FGF17: variants seen among roughly 807,000 people sequenced by gnomAD.
The protein encoded by FGF17 is fibroblast growth factor 17.
Under a neutral mutation model 23.5 loss-of-function variants are expected in FGF17, and 5 were observed. That is an observed-to-expected ratio of 0.21 (90% CI 0.11 to 0.45). The LOEUF (loss-of-function observed/expected upper bound fraction) is 0.45, where lower values mean the gene tolerates loss of function less well. Ranked by LOEUF, FGF17 falls within the 20% of genes least tolerant of loss-of-function variation. The probability of loss-of-function intolerance (pLI) is 0.99; values close to 1 mark genes in which losing one functional copy is unlikely to be tolerated. For synonymous variants in FGF17, 136 were observed against 123.0 expected (o/e 1.11, Z -0.70); for missense variants, 221 against 306.9 (o/e 0.72, Z 2.09).
rs368478275 is a variant in FGF17, at chr8:22,043,200, C to T, written c.72+19C>T. ...AACTCAGGTAGGCGGGCATTCCCACCGGCTTTCCCCCAATTTTTCCACCCT... is the reference window on the plus strand; with the variant it reads ...AACTCAGGTAGGCGGGCATTCCCACTGGCTTTCCCCCAATTTTTCCACCCT... On this transcript the variant is annotated intron_variant, in intron 2 of 4. Transcript: ENST00000359441. 1.4e-4 allele frequency: 223 copies of T among 1,612,306 alleles called. No homozygotes were observed. The highest frequency in any genetic ancestry group is 1.7e-4 in the Non-Finnish European group (198 of 1,179,772).
At position 22,044,724 on chromosome 8, in the gene FGF17, T is replaced by C. The variant is rs558570496; in HGVS notation, c.73-1390T>C. ...CAGAGGCTAGGCAGAGGCTGCTCTA[T>C]GGGGAGGTGCAATTGGAAATGAGCA... On this transcript the variant is annotated intron_variant, in intron 2 of 4. Transcript: ENST00000359441. The C allele has an allele frequency of 8.4e-5, 83 of 985,446 alleles. No individual in the cohort carries two copies. In the African/African-American group the frequency reaches 9.4e-4, roughly 11 times the overall value. The allele number at this position is 985,446 out of a possible 1,614,324, so 61.0% of individuals were successfully genotyped here.
intron 2 of FGF17, among the ~76,000 whole-genome samples, chr8:22,043,575 C>T (rs374628513): frequency 1.5e-4 from 23 of 152,248 alleles, no homozygotes; most frequent in Admixed American, 8.5e-4. Context: ...ATGTCCTTCT[C>T]GCCACCCCAC....
chr8:22,040,752 C>T (rs529671051), upstream of FGF17, among the ~76,000 whole-genome samples: 23 of 152,360 alleles, frequency 1.5e-4, no homozygotes, highest in Admixed American at 1.5e-3. Context: ...CCAGCTGACA[C>T]CTCCACCAAC....
intron 2 of FGF17, among the ~76,000 whole-genome samples, chr8:22,043,462 G>A (rs1045566086): frequency 2.9e-4 from 44 of 152,188 alleles, no homozygotes; most frequent in Non-Finnish European, 5.1e-4. Flanking sequence ...CAGACTTGAG[G>A]GATGGAGCCT....
Position 22,046,123 on chromosome 8 carries a change from C to T in FGF17, c.82C>T (p.His28Tyr). The change falls in exon 3 of 5, where the codon CAC becomes TAC. Residue 28 changes from histidine (H) to tyrosine (Y), a missense_variant. Coordinates refer to ENST00000359441, the MANE Select transcript of FGF17 (RefSeq NM_003867.4). Reference sequence around the variant, plus strand: ...CTTGGTAACCGCAAAGGGGGAGAATCACCCGTCTCCTAATTTTAACCAGTA... The same window carrying T: ...CTTGGTAACCGCAAAGGGGGAGAATTACCCGTCTCCTAATTTTAACCAGTA... ...ILCCQTQGEN[H>Y]PSPNFNQYVR... 1 of 1,614,174 alleles carries T rather than the reference C, an allele frequency of 6.2e-7. No homozygotes were observed. Among genetic ancestry groups the T allele is most frequent in the Non-Finnish European group, 8.5e-7 (1 of 1,180,038 alleles).
rs3038873 is a variant in FGF17 at position 22,046,950 on chromosome 8, A to ATT, written c.357+333_357+334dup. On this transcript the variant is annotated intron_variant, in intron 4 of 4. Coordinates refer to ENST00000359441, the MANE Select transcript of FGF17 (RefSeq NM_003867.4). ...AGGTGCATGCCACCATGCCCAGCTA[A>ATT]TTTTTTTTTTTTTTTTTGTAGAGAT... is the stretch of plus-strand genomic sequence containing the variant. Among the ~76,000 whole-genome samples, 432 of 120,554 alleles carry ATT rather than the reference A, an allele frequency of 3.6e-3. 8 individuals carry two copies. Among genetic ancestry groups the ATT allele is most frequent in the Middle Eastern group, 0.02 (4 of 196 alleles). The allele number at this position is 120,554 out of a possible 152,430, so 79.1% of individuals were successfully genotyped here.
At position 22,042,927 on chromosome 8, in the gene FGF17, C is replaced by T. The variant is rs375311317; in HGVS notation, c.-2C>T. ...GCAACCGCCTGAGGAACCTCTCCAG[C>T]GATGGGAGCCGCCCGCCTGCTGCCC... On this transcript the variant is annotated 5_prime_UTR_variant, in exon 1 of 5. Transcript: ENST00000359441. The T allele has an allele frequency of 4.8e-5, 78 of 1,613,248 alleles. No individual in the cohort carries two copies. The South Asian group carries it at 5.6e-4, about 12-fold the overall frequency.
At chr8:22,043,057 G>A (rs1800768207) in intron 1 of FGF17, 88 bp from the exon 2 acceptor site, 1 of 1,600,992 alleles carries the variant, frequency 6.2e-7, no homozygotes, top group Non-Finnish European at 8.5e-7. Context: ...TGCGTGCACG[G>A]GGCTGGCAGG....
At chr8:22,039,930 C>T (rs950112501), upstream of FGF17, among the ~76,000 whole-genome samples, 3 of 152,020 alleles carry the variant, frequency 2.0e-5, no homozygotes, top group African/African-American at 4.8e-5. Context: ...GAGAGGCAGG[C>T]GTGAGACGAC....
Position 22,046,191 on chromosome 8 carries a change from G to A in FGF17, c.150G>A (p.Arg50=). ...QGAMTDQLSR[R]QIREYQLYSR... Reference sequence around the variant, plus strand: ...CCATGACCGACCAGCTGAGCAGGCGGCAGATCCGCGAGTACCAACTCTACA... The same window carrying A: ...CCATGACCGACCAGCTGAGCAGGCGACAGATCCGCGAGTACCAACTCTACA... The change falls in exon 3 of 5, where the codon CGG becomes CGA. Residue 50 remains arginine, a synonymous_variant. Transcript: ENST00000359441. The A allele has an allele frequency of 1.9e-6, 3 of 1,614,110 alleles. No homozygotes were observed. The highest frequency in any genetic ancestry group is 2.5e-6 in the Non-Finnish European group (3 of 1,180,052).
chr8:22,046,812 G>A (rs535073479), intron 4 of FGF17, among the ~76,000 whole-genome samples, 179 bp downstream of exon 4: 1 of 152,280 alleles, frequency 6.6e-6, no homozygotes, highest in South Asian at 2.1e-4. Context: ...TCCGGGTCTT[G>A]CTCTGCTACC....
At chr8:22,046,016 C>T (rs769413471) in intron 2 of FGF17, 98 bp from the exon 3 acceptor site, 6 of 1,605,370 alleles carry the variant, frequency 3.7e-6, no homozygotes, top group Admixed American at 1.7e-5. Context: ...GTGGCCTGTC[C>T]CCACTATATT....
In FGF17 at chr8:22,048,212, G is replaced by C; in HGVS notation, c.614G>C (p.Arg205Pro). The C allele has an allele frequency of 6.2e-7, 1 of 1,611,064 alleles. No individual in the cohort carries two copies. The highest frequency in any genetic ancestry group is 8.5e-7 in the Non-Finnish European group (1 of 1,179,168). ...FEFVGSAPTRRTKRTRRPQPL... is the reference protein window; with the variant it reads ...FEFVGSAPTRPTKRTRRPQPL... ...TTTGTGGGCTCCGCCCCCACCCGCC[G>C]GACCAAGCGCACACGGCGGCCCCAG... Residue 205 changes from arginine (R) to proline (P), a missense_variant, in exon 5 of 5, where the codon CGG becomes CCG. Arg to Pro is a moderately radical substitution (Grantham distance 103, BLOSUM62 -2). Around this residue, in one of 3 missense-constraint regions of FGF17, gnomAD observed 128 missense variants for 150.4 expected, o/e 0.85. Transcript: ENST00000359441. The surrounding 1 kb of genome is among the most constrained non-coding windows in gnomAD (Gnocchi z 6.9).
At chr8:22,043,815 C>A (rs1286559063) in intron 2 of FGF17, among the ~76,000 whole-genome samples, 1 of 144,930 alleles carries the variant, frequency 6.9e-6, no homozygotes. Context: ...GCGAGGCTTG[C>A]TCCCTTTTTT....
chr8:22,048,238 C>T lies in FGF17; in HGVS notation c.640C>T (p.Pro214Ser), dbSNP rs1006374428. ...RRTKRTRRPQPLT is the reference protein window; with the variant it reads ...RRTKRTRRPQSLT ...GACCAAGCGCACACGGCGGCCCCAGCCCCTCACGTAGTCTGGGAGGCAGGG... is the reference window on the plus strand; with the variant it reads ...GACCAAGCGCACACGGCGGCCCCAGTCCCTCACGTAGTCTGGGAGGCAGGG... Residue 214 changes from proline to serine, a missense_variant, in exon 5 of 5, where the codon CCC becomes TCC. Pro to Ser is a moderately conservative substitution (Grantham distance 74). This residue lies in a region of FGF17 where 128 missense variants were observed against 150.4 expected (regional missense o/e 0.85). Coordinates refer to ENST00000359441, the MANE Select transcript of FGF17 (RefSeq NM_003867.4). The surrounding 1 kb of genome is among the most constrained non-coding windows in gnomAD (Gnocchi z 6.9). The T allele has an allele frequency of 6.2e-7, 1 of 1,605,164 alleles. No homozygotes were observed. Among genetic ancestry groups the T allele is most frequent in the Non-Finnish European group, 8.5e-7 (1 of 1,176,130 alleles).
intron 3 of FGF17, 105 bp from the exon 4 acceptor site, chr8:22,046,422 C>G: frequency 7.0e-7 from 1 of 1,418,764 alleles, no homozygotes; most frequent in Non-Finnish European, 9.7e-7. Context: ...TGTCCCCAAC[C>G]CCTTCGCCTG....
chr8:22,046,950 A>ATTTTTTTTTTTTTTTTTT (rs3038873), intron 4 of FGF17, among the ~76,000 whole-genome samples: 8 of 120,576 alleles, frequency 6.6e-5, no homozygotes, highest in African/African-American at 9.7e-5. Flanking sequence ...TGCCCAGCTA[A>ATTTTTTTTTTTTTTTTTT]TTTTTTTTTT....
chr8:22,044,407 G>A (rs1800811417), intron 2 of FGF17, among the ~76,000 whole-genome samples: 1 of 152,092 alleles, frequency 6.6e-6, no homozygotes, highest in Non-Finnish European at 1.5e-5. Flanking sequence ...AGGTCCCGCG[G>A]GGAGAGGGAC....
intron 3 of FGF17, 53 bp from the exon 4 acceptor site, chr8:22,046,474 C>T (rs1185093680): frequency 2.7e-6 from 4 of 1,506,596 alleles, no homozygotes; most frequent in Non-Finnish European, 3.7e-6. Context: ...CTGCTGTAGC[C>T]ATAGGCCGGC....
Sources: gnomAD v4.1 joint callset for allele counts (sites outside exome capture counted in the v4.1 genomes callset) on GRCh38, gnomAD v4.1.1 for gene constraint, gnomAD v4.1.1 regional missense constraint, Gnocchi (gnomAD v3.1) non-coding constraint, MANE v1.5 for transcripts, NCBI Gene and HGNC (gene_info 2026-07-23, HGNC 2026-07-21) for gene names.